Variants in ZBTB20 observed in about 807,000 individuals in gnomAD.
ZBTB20 encodes the protein zinc finger and BTB domain-containing protein 20.
Under a neutral mutation model 56.9 loss-of-function variants are expected in ZBTB20, and 9 were observed. The observed-to-expected ratio is 0.16, with a 90% CI of 0.10 to 0.28. The LOEUF (loss-of-function observed/expected upper bound fraction) is 0.28, where lower values mean the gene tolerates loss of function less well. Ranked by LOEUF, ZBTB20 falls within the 10% of genes least tolerant of loss-of-function variation. The pLI is 1.00. For missense variants in ZBTB20, 655 were observed against 1,003.0 expected (o/e 0.65, Z 4.69); for synonymous variants, 417 against 420.7 (o/e 0.99, Z 0.11).
chr3:114,598,638 T>C (rs2056516801), intron 6 of ZBTB20, among the ~76,000 whole-genome samples: 1 of 152,092 alleles, frequency 6.6e-6, no homozygotes, highest in Non-Finnish European at 1.5e-5. Context: ...GTTTGAATTC[T>C]TCAAACATGT....
intron 5 of ZBTB20, among the ~76,000 whole-genome samples, chr3:114,694,291 T>G (rs2062868912): frequency 6.6e-6 from 1 of 152,090 alleles, no homozygotes; most frequent in South Asian, 2.1e-4. Context: ...CAACAAAGTC[T>G]TTAAATATTA....
chr3:114,354,672 C>T (rs576664032), intron 10 of ZBTB20, among the ~76,000 whole-genome samples: 97 of 147,936 alleles, frequency 6.6e-4, no homozygotes, highest in African/African-American at 2.4e-3. Flanking sequence ...ACCTTCAACT[C>T]CTGGGTTTAA....
chr3:114,770,446 T>C (rs566093445), intron 5 of ZBTB20, among the ~76,000 whole-genome samples: 3 of 146,790 alleles, frequency 2.0e-5, no homozygotes, highest in Non-Finnish European at 4.5e-5. Context: ...CAAAACTCCA[T>C]CTTAAAAAAA....
intron 4 of ZBTB20, among the ~76,000 whole-genome samples, chr3:114,863,847 C>A (rs1479059280): frequency 4.6e-5 from 7 of 151,842 alleles, no homozygotes; most frequent in Non-Finnish European, 8.8e-5. Context: ...ATAAGAAAAC[C>A]AAAGAGGCCA....
intron 5 of ZBTB20, among the ~76,000 whole-genome samples, chr3:114,751,885 C>A (rs1472074049): frequency 6.6e-6 from 1 of 151,810 alleles, no homozygotes; most frequent in Non-Finnish European, 1.5e-5. Context: ...TATCTCTGAC[C>A]CGCTCTCAGT....
At chr3:114,400,431 A>G (rs886438285) in intron 7 of ZBTB20, among the ~76,000 whole-genome samples, 2 of 152,150 alleles carry the variant, frequency 1.3e-5, no homozygotes, top group Non-Finnish European at 2.9e-5. Flanking sequence ...GATTTAGGAA[A>G]GGGTCCCGAA....
intron 7 of ZBTB20, among the ~76,000 whole-genome samples, chr3:114,447,206 A>C (rs2091322872): frequency 6.6e-6 from 1 of 152,124 alleles, no homozygotes; most frequent in Non-Finnish European, 1.5e-5. Flanking sequence ...CTAACACACT[A>C]CTTTGCCCTC....
intron 1 of ZBTB20, among the ~76,000 whole-genome samples, chr3:115,140,506 T>C (rs368731728): frequency 1.3e-5 from 2 of 151,986 alleles, no homozygotes; most frequent in East Asian, 3.9e-4. Context: ...AAAGGAAGCC[T>C]GAGATTTACT....
At chr3:114,457,278 A>T (rs1490827677) in intron 7 of ZBTB20, among the ~76,000 whole-genome samples, 1 of 152,214 alleles carries the variant, frequency 6.6e-6, no homozygotes, top group Non-Finnish European at 1.5e-5. Flanking sequence ...AAAGGTGATG[A>T]TATTGGTCCC....
chr3:114,915,045 T>C (rs1449224511), intron 3 of ZBTB20, among the ~76,000 whole-genome samples: 3 of 151,724 alleles, frequency 2.0e-5, no homozygotes, highest in Non-Finnish European at 4.4e-5. Flanking sequence ...TTCTTTTTTT[T>C]TTTAAATGTG....
chr3:114,916,801 A>G (rs962219293), intron 3 of ZBTB20, among the ~76,000 whole-genome samples: 4 of 151,980 alleles, frequency 2.6e-5, no homozygotes, highest in African/African-American at 9.7e-5. Flanking sequence ...TTCTCTTTCT[A>G]CTTTTAGAAT....
chr3:114,798,425 G>A (rs1200162331), intron 5 of ZBTB20, among the ~76,000 whole-genome samples: 1 of 151,828 alleles, frequency 6.6e-6, no homozygotes, highest in East Asian at 1.9e-4. Flanking sequence ...ATGAATTTGA[G>A]ATTCTGATGA....
intron 5 of ZBTB20, among the ~76,000 whole-genome samples, chr3:114,699,695 CTT>C (rs1186233052): frequency 2.6e-5 from 4 of 152,066 alleles, no homozygotes; most frequent in African/African-American, 4.8e-5. Context: ...ATTTCTCTCT[CTT>C]GGTCATCTAT....
rs188230114 is a variant in ZBTB20, at chr3:114,507,246, A to G, written c.-294-6855T>C. Reference sequence around the variant, plus strand: ...ACACAAATGCCCTGTCCATCAGCATATAATGAAAAAGTTGTGGCTATTTCC... The same window carrying G: ...ACACAAATGCCCTGTCCATCAGCATGTAATGAAAAAGTTGTGGCTATTTCC... On this transcript the variant is annotated intron_variant, in intron 6 of 11. Coordinates refer to ENST00000675478, the MANE Select transcript of ZBTB20 (RefSeq NM_001348800.3). 1.1e-3 allele frequency among the ~76,000 whole-genome samples: 165 copies of G among 152,324 alleles called. No individual in the cohort carries two copies. In the Middle Eastern group the frequency reaches 0.014, roughly 13 times the overall value.
At chr3:114,569,927 GT>G (rs1361274263) in intron 6 of ZBTB20, among the ~76,000 whole-genome samples, 1 of 151,992 alleles carries the variant, frequency 6.6e-6, no homozygotes, top group Non-Finnish European at 1.5e-5. Flanking sequence ...AACTATAAAA[GT>G]AGTATAGAAA....
intron 6 of ZBTB20, among the ~76,000 whole-genome samples, chr3:114,512,379 T>A (rs146500421): frequency 1.2e-4 from 19 of 152,232 alleles, no homozygotes; most frequent in Non-Finnish European, 2.1e-4. Context: ...TATTATTGAT[T>A]ACTCTGCCAA....
intron 5 of ZBTB20, among the ~76,000 whole-genome samples, chr3:114,695,304 G>T (rs1383393761): frequency 6.6e-6 from 1 of 151,416 alleles, no homozygotes; most frequent in Non-Finnish European, 1.5e-5. Flanking sequence ...CTTAAGCCTG[G>T]ATCCCATATT....
At chr3:114,841,291 G>C (rs1203656925) in intron 4 of ZBTB20, among the ~76,000 whole-genome samples, 3 of 152,138 alleles carry the variant, frequency 2.0e-5, no homozygotes, top group Non-Finnish European at 1.5e-5. Flanking sequence ...GGGAAGAAAA[G>C]AGTAATGAAG....
At chr3:115,027,964 T>C (rs983236865) in intron 2 of ZBTB20, among the ~76,000 whole-genome samples, 2 of 150,852 alleles carry the variant, frequency 1.3e-5, no homozygotes, top group African/African-American at 4.8e-5. Context: ...GTATAACATG[T>C]TTTTAAGTAT....
Sources: gnomAD v4.1 joint callset for allele counts (sites outside exome capture counted in the v4.1 genomes callset) on GRCh38, gnomAD v4.1.1 for gene constraint, MANE v1.5 for transcripts, NCBI Gene and HGNC (gene_info 2026-07-23, HGNC 2026-07-21) for gene names.